Variants in WHR1 observed in about 807,000 individuals in gnomAD.
The protein encoded by WHR1 is MHC class III HLA-RP1.
At chr6:31,979,032 G>T in the WHR1 span, 41 of 1,603,434 alleles carry the variant, frequency 2.6e-5, no homozygotes, top group Middle Eastern at 3.4e-4. Context: ...GTGCTGGGGG[G>T]AGGGCACAGG....
the WHR1 span, among the ~76,000 whole-genome samples, chr6:31,975,858 G>A: frequency 3.9e-5 from 6 of 151,942 alleles, no homozygotes; most frequent in African/African-American, 1.4e-4. Flanking sequence ...AGGGGCGGCC[G>A]GGCAGAGGCG....
chr6:31,972,603 G>A, the WHR1 span: 28 of 1,600,746 alleles, frequency 1.7e-5, no homozygotes, highest in Non-Finnish European at 2.4e-5. This position sits in a 1 kb window ranked among gnomAD's most constrained non-coding sequence, Gnocchi z 6.3. Context: ...CTGTCCGTGA[G>A]CCGATTTATC....
At chr6:31,972,519 T>A in the WHR1 span, 2 of 1,603,036 alleles carry the variant, frequency 1.2e-6, no homozygotes, top group Non-Finnish European at 1.7e-6. This position sits in a 1 kb window ranked among gnomAD's most constrained non-coding sequence, Gnocchi z 6.3. Flanking sequence ...CAGGTAACCA[T>A]GGCAACCCCG....
At chr6:31,977,107 C>T in the WHR1 span, among the ~76,000 whole-genome samples, 5,002 of 152,116 alleles carry the variant, frequency 0.033, 106 homozygotes, top group South Asian at 0.056. Flanking sequence ...TTTCCTTATG[C>T]GCCCAGTTAC....
the WHR1 span, chr6:31,980,355 G>A: frequency 3.4e-5 from 39 of 1,146,184 alleles, no homozygotes; most frequent in Middle Eastern, 2.8e-4. Context: ...ATGGTTGCCC[G>A]TGTTTCTGGA....
At chr6:31,971,742 G>A in the WHR1 span, 2 of 1,485,966 alleles carry the variant, frequency 1.3e-6, no homozygotes, top group Non-Finnish European at 1.8e-6. The surrounding 1 kb of genome is among the most constrained non-coding windows in gnomAD (Gnocchi z 4.5). Flanking sequence ...AAGGATGACT[G>A]GTTTAGGACT....
chr6:31,972,796 T>G, the WHR1 span: 1 of 1,605,188 alleles, frequency 6.2e-7, no homozygotes, highest in Non-Finnish European at 8.5e-7. This position sits in a 1 kb window ranked among gnomAD's most constrained non-coding sequence, Gnocchi z 6.3. Flanking sequence ...GCCCCTTTCC[T>G]AACTCCTGGA....
the WHR1 span, chr6:31,979,028 G>A: frequency 6.2e-7 from 1 of 1,607,600 alleles, no homozygotes; most frequent in Non-Finnish European, 8.5e-7. Context: ...AGGGGTGCTG[G>A]GGGGAGGGCA....
the WHR1 span, chr6:31,980,116 G>T: frequency 3.0e-6 from 1 of 328,364 alleles, no homozygotes; most frequent in East Asian, 5.1e-5. Flanking sequence ...TGGCAGGAGC[G>T]CAGAAGACTC....
chr6:31,973,973 G>A, the WHR1 span, among the ~76,000 whole-genome samples: 1 of 152,100 alleles, frequency 6.6e-6, no homozygotes, highest in Non-Finnish European at 1.5e-5. Context: ...GAGGCAGAGA[G>A]GGACTTGCCT....
the WHR1 span, chr6:31,980,788 C>T: frequency 6.4e-7 from 1 of 1,572,350 alleles, no homozygotes; most frequent in African/African-American, 1.4e-5. Context: ...CATTGGGGCC[C>T]AGCTAGTGGA....
At chr6:31,979,243 A>AG in the WHR1 span, among the ~76,000 whole-genome samples, 1 of 52,924 alleles carries the variant, frequency 1.9e-5, no homozygotes, top group African/African-American at 7.7e-5. Flanking sequence ...GGGGAGGAGG[A>AG]GGGGGGGAGG....
the WHR1 span, chr6:31,972,478 C>T: frequency 3.1e-6 from 5 of 1,612,812 alleles, no homozygotes; most frequent in Non-Finnish European, 4.2e-6. The surrounding 1 kb of genome is among the most constrained non-coding windows in gnomAD (Gnocchi z 6.3). Context: ...GAAGCGAGGG[C>T]CTGTGGAGTC....
chr6:31,973,303 T>C, the WHR1 span: 2 of 270,102 alleles, frequency 7.4e-6, no homozygotes, highest in East Asian at 1.8e-4. Flanking sequence ...CACATTTAGT[T>C]GTTGGACTAC....
the WHR1 span, among the ~76,000 whole-genome samples, chr6:31,976,791 C>T: frequency 1.3e-5 from 2 of 152,260 alleles, no homozygotes; most frequent in Non-Finnish European, 2.9e-5. Flanking sequence ...TCTGCAATCG[C>T]GGCACCTCCG....
At chr6:31,976,850 C>T in the WHR1 span, among the ~76,000 whole-genome samples, 13 of 152,210 alleles carry the variant, frequency 8.5e-5, no homozygotes, top group African/African-American at 2.7e-4. Flanking sequence ...GAGACCAGCC[C>T]GGCCAACACA....
At chr6:31,971,735 G>C in the WHR1 span, 1 of 1,519,008 alleles carries the variant, frequency 6.6e-7, no homozygotes, top group Non-Finnish European at 8.8e-7. This position sits in a 1 kb window ranked among gnomAD's most constrained non-coding sequence, Gnocchi z 4.5. Flanking sequence ...CCTGGAGAAG[G>C]ATGACTGGTT....
At chr6:31,976,108 G>A in the WHR1 span, among the ~76,000 whole-genome samples, 43 of 145,332 alleles carry the variant, frequency 3.0e-4, no homozygotes, top group African/African-American at 8.2e-4. Flanking sequence ...CCTCCCTCCC[G>A]GACGGGGCGG....
chr6:31,971,704 GT>G, the WHR1 span: 1 of 1,579,852 alleles, frequency 6.3e-7, no homozygotes, highest in South Asian at 1.1e-5. This position sits in a 1 kb window ranked among gnomAD's most constrained non-coding sequence, Gnocchi z 4.5. Flanking sequence ...GGGGTACAGA[GT>G]TTCCATTCTA....
Sources: allele counts gnomAD v4.1 joint callset (sites outside exome capture counted in the v4.1 genomes callset), GRCh38; gene constraint gnomAD v4.1.1; non-coding constraint Gnocchi (gnomAD v3.1); transcripts MANE v1.5; gene names NCBI Gene and HGNC (gene_info 2026-07-23, HGNC 2026-07-21).